PCDH11Y: variants seen among roughly 807,000 people sequenced by gnomAD.
The protein encoded by PCDH11Y is protocadherin 11 Y-linked, also known as protocadherin-11 Y-linked.
For missense variants in PCDH11Y, 12 were observed against 224.8 expected, an observed-to-expected ratio of 0.05 and a Z score of 6.05; for synonymous variants, 9 against 83.6, an observed-to-expected ratio of 0.11 and a Z score of 4.87.
intron 3 of PCDH11Y, among the ~76,000 whole-genome samples, chrY:5,519,569 A>G (rs2053378038): frequency 6.3e-5 from 2 of 31,922 alleles, no homozygotes; most frequent in African/African-American, 1.2e-4. Context: ...TTTCTACATT[A>G]AAAAGAATAG....
Position 5,192,095 on chromosome Y carries a change from C to G in PCDH11Y, c.3129+91388C>G, listed in dbSNP as rs2124648478. Among the ~76,000 whole-genome samples, 4 of 32,088 alleles carry G rather than the reference C, an allele frequency of 1.2e-4. No individual in the cohort carries two copies. The South Asian group carries it at 2.9e-3, about 23-fold the overall frequency. The allele number at this position is 32,088 out of a possible 37,273, so 86.1% of individuals were successfully genotyped here. ...CCCTATTGTGAACTGCTCAAAGGAT[C>G]TAGATTGTGCACTTCTTATGAGAAA... is the stretch of plus-strand genomic sequence containing the variant. On this transcript the variant is annotated intron_variant, in intron 2 of 4. Transcript: ENST00000400457.
At chrY:5,597,353 G>GTA (rs2053468515) in intron 4 of PCDH11Y, among the ~76,000 whole-genome samples, 1 of 12,578 alleles carries the variant, frequency 8.0e-5, no homozygotes, top group Non-Finnish European at 1.4e-4. Flanking sequence ...ATATATGTGT[G>GTA]TATATATATA....
At chrY:5,448,336 A>G in intron 2 of PCDH11Y, among the ~76,000 whole-genome samples, 2 of 33,893 alleles carry the variant, frequency 5.9e-5, no homozygotes, top group South Asian at 1.3e-3. Context: ...ACCATAAATT[A>G]TACACAAATC....
chrY:5,199,368 A>C, intron 2 of PCDH11Y, among the ~76,000 whole-genome samples: 2 of 30,194 alleles, frequency 6.6e-5, no homozygotes, highest in Non-Finnish European at 1.6e-4. Context: ...GCTCACTGCA[A>C]CCTCCACCTC....
At chrY:5,578,474 G>A (rs1602945776) in intron 3 of PCDH11Y, among the ~76,000 whole-genome samples, 1 of 32,635 alleles carries the variant, frequency 3.1e-5, no homozygotes, top group Admixed American at 2.8e-4. Flanking sequence ...CCTGTATCAC[G>A]GTTGCATATG....
At chrY:5,209,258 G>C in intron 2 of PCDH11Y, among the ~76,000 whole-genome samples, 7 of 32,887 alleles carry the variant, frequency 2.1e-4, no homozygotes, top group African/African-American at 8.3e-4. Flanking sequence ...ACCATAACCT[G>C]TTAAAATGAA....
intron 2 of PCDH11Y, among the ~76,000 whole-genome samples, chrY:5,385,040 C>G: frequency 3.4e-5 from 1 of 29,515 alleles, no homozygotes; most frequent in African/African-American, 1.3e-4. Context: ...GCCGTTCATA[C>G]ATTTTATTTA....
intron 4 of PCDH11Y, among the ~76,000 whole-genome samples, chrY:5,594,358 C>G: frequency 3.1e-5 from 1 of 31,843 alleles, no homozygotes; most frequent in Admixed American, 2.9e-4. Flanking sequence ...CTGCTGGGCT[C>G]TGTGCCCACC....
At chrY:5,634,000 G>A in intron 4 of PCDH11Y, among the ~76,000 whole-genome samples, 1 of 31,813 alleles carries the variant, frequency 3.1e-5, no homozygotes, top group Non-Finnish European at 7.6e-5. Flanking sequence ...AGATCACAAG[G>A]TCAGGAGATC....
chrY:5,553,576 C>T, intron 3 of PCDH11Y, among the ~76,000 whole-genome samples: 1 of 31,888 alleles, frequency 3.1e-5, no homozygotes, highest in Admixed American at 2.9e-4. Context: ...AATCTCATCT[C>T]GAATACCCAT....
At chrY:5,217,449 T>C in intron 2 of PCDH11Y, among the ~76,000 whole-genome samples, 3 of 33,734 alleles carry the variant, frequency 8.9e-5, no homozygotes, top group Non-Finnish European at 1.5e-4. Context: ...TTAAATCTTA[T>C]GCTTTTAACT....
chrY:5,496,060 CA>C (rs2053344258), intron 2 of PCDH11Y, among the ~76,000 whole-genome samples: 1 of 33,384 alleles, frequency 3.0e-5, no homozygotes, highest in Non-Finnish European at 7.4e-5. Flanking sequence ...AGTAGCTTTT[CA>C]GGGCAAATAT....
At chrY:5,722,669 G>A (rs2053595800) in intron 4 of PCDH11Y, among the ~76,000 whole-genome samples, 2 of 29,754 alleles carry the variant, frequency 6.7e-5, no homozygotes, top group African/African-American at 1.3e-4. Context: ...ACAAAGAGTC[G>A]TAAGAAAAAA....
At chrY:5,107,059 C>T, downstream of PCDH11Y, among the ~76,000 whole-genome samples, 1 of 31,760 alleles carries the variant, frequency 3.1e-5, no homozygotes, top group African/African-American at 1.2e-4. Flanking sequence ...TCCTTTTCTG[C>T]ACACACTGAA....
At chrY:5,195,398 A>G in intron 2 of PCDH11Y, among the ~76,000 whole-genome samples, 1 of 33,581 alleles carries the variant, frequency 3.0e-5, no homozygotes, top group East Asian at 7.9e-4. Context: ...ACAATGTTGG[A>G]CCTCATAAGC....
intron 3 of PCDH11Y, among the ~76,000 whole-genome samples, chrY:5,553,531 C>T (rs2053420749): frequency 3.2e-5 from 1 of 31,457 alleles, no homozygotes; most frequent in Admixed American, 2.9e-4. Flanking sequence ...CAAGTAAGAA[C>T]ATGTGGTGAT....
intron 4 of PCDH11Y, among the ~76,000 whole-genome samples, chrY:5,700,874 T>C: frequency 3.1e-5 from 1 of 32,551 alleles, no homozygotes; most frequent in Non-Finnish European, 7.5e-5. Context: ...ACCTAATGAA[T>C]GGCTTCTAAC....
intron 2 of PCDH11Y, among the ~76,000 whole-genome samples, chrY:5,374,447 A>G (rs1022999078): frequency 3.8e-5 from 1 of 26,527 alleles, no homozygotes; most frequent in African/African-American, 1.3e-4. Context: ...ATATGTGTGT[A>G]TATATATATA....
At chrY:5,324,808 GACCACCAA>G (rs2053116662) in intron 2 of PCDH11Y, among the ~76,000 whole-genome samples, 1 of 32,881 alleles carries the variant, frequency 3.0e-5, no homozygotes, top group Non-Finnish European at 7.5e-5. Flanking sequence ...CCTGTGAAGA[GACCACCAA>G]ACAGGCTTTG....
Sources: allele counts gnomAD v4.1 joint callset (sites outside exome capture counted in the v4.1 genomes callset), GRCh38; gene constraint gnomAD v4.1.1; transcripts MANE v1.5; gene names NCBI Gene and HGNC (gene_info 2026-07-23, HGNC 2026-07-21).